The following ACSM3 variants were observed in gnomAD, a reference collection of about 807,000 sequenced individuals.
The protein encoded by ACSM3 is acyl-coenzyme A synthetase ACSM3, mitochondrial.
ACSM3 carries 61 observed loss-of-function variants against 74.1 expected under a neutral mutation model. That is an observed-to-expected ratio of 0.82 (90% CI 0.67 to 1.02). ACSM3 has a LOEUF of 1.02. ACSM3 is among the 50% of genes least tolerant of loss of function. ACSM3 has a pLI of 0.00. For synonymous variants in ACSM3, 213 were observed against 241.5 expected (o/e 0.88, Z 1.09); for missense variants, 660 against 697.0 (o/e 0.95, Z 0.60).
chr16:20,682,522 A>T (rs1400055166), intron 1 of ACSM3: 1 of 1,437,422 alleles, frequency 7.0e-7, no homozygotes, highest in African/African-American at 1.4e-5. Flanking sequence ...TGGGCTTTAG[A>T]CTTGGCTTGT....
At chr16:20,714,208 C>CAAA (rs67524952) in intron 1 of ACSM3, among the ~76,000 whole-genome samples, 2 of 134,792 alleles carry the variant, frequency 1.5e-5, no homozygotes, top group African/African-American at 5.6e-5. Context: ...GATATGGAGG[C>CAAA]AAAAAAAAAA....
At chr16:20,721,754 G>C (rs1469183730) in intron 1 of ACSM3, 1 of 152,194 alleles carries the variant, frequency 6.6e-6, no homozygotes, top group Non-Finnish European at 1.5e-5. Context: ...CAGTATCACT[G>C]ATACGATTGT....
At chr16:20,702,218 T>C (rs1220163943) in intron 1 of ACSM3, among the ~76,000 whole-genome samples, 1 of 152,158 alleles carries the variant, frequency 6.6e-6, no homozygotes, top group Admixed American at 6.5e-5. Context: ...TTTCCTGACT[T>C]TTCTTTTTTT....
At chr16:20,777,239 A>G in intron 3 of ACSM3, 134 bp from the exon 4 acceptor site, 1 of 834,158 alleles carries the variant, frequency 1.2e-6, no homozygotes, top group Non-Finnish European at 1.8e-6. Flanking sequence ...TGAAAGCAAG[A>G]TAAATAGATA....
At chr16:20,741,843 C>T in intron 1 of ACSM3, 1 of 1,537,268 alleles carries the variant, frequency 6.5e-7, no homozygotes, top group Non-Finnish European at 8.7e-7. Context: ...GCGACGGCCT[C>T]CCCTAGCCGG....
intron 1 of ACSM3, chr16:20,676,231 G>A (rs760074152): frequency 6.6e-6 from 1 of 152,202 alleles, no homozygotes; most frequent in African/African-American, 2.4e-5. Flanking sequence ...TGCCTCTTAA[G>A]AGGACAAGAG....
intron 1 of ACSM3, among the ~76,000 whole-genome samples, chr16:20,724,301 G>A (rs1216884790): frequency 1.3e-5 from 2 of 152,316 alleles, no homozygotes; most frequent in Admixed American, 1.3e-4. Context: ...CTCAATAGAT[G>A]CAGAAAAGGC....
chr16:20,796,120 T>A, intron 12 of ACSM3: 1 of 455,998 alleles, frequency 2.2e-6, no homozygotes. Flanking sequence ...GACTACTGTT[T>A]ATAAGTAATC....
chr16:20,739,182 T>G (rs1030967109), intron 1 of ACSM3: 39 of 1,122,150 alleles, frequency 3.5e-5, no homozygotes, highest in Non-Finnish European at 4.6e-5. Flanking sequence ...ATTGATTTTT[T>G]TTTTTTTTCT....
chr16:20,742,503 C>T (rs1027331785), intron 1 of ACSM3, among the ~76,000 whole-genome samples: 2 of 152,056 alleles, frequency 1.3e-5, no homozygotes, highest in African/African-American at 2.4e-5. Context: ...ATTAGCCAGG[C>T]GTGGTGGCGC....
In ACSM3 at chr16:20,775,806, C is replaced by A; in HGVS notation, c.220-33C>A. 1.9e-6 allele frequency: 3 copies of A among 1,609,672 alleles called. No homozygotes were observed. The South Asian group carries it at 3.3e-5, about 18-fold the overall frequency. ...GCCCAGAATTTAGCTGTATAACAAC[C>A]TTTAAATCAATGACTGGTTTTTCTT... On this transcript the variant is annotated intron_variant, in intron 2 of 13. Transcript: ENST00000289416.
chr16:20,676,221 T>C (rs163256), intron 1 of ACSM3: 127,716 of 152,240 alleles, frequency 0.84, 54,320 homozygotes, highest in African/African-American at 0.96. Flanking sequence ...GTTATGCTTA[T>C]GCCTCTTAAG....
chr16:20,786,202 G>A, intron 9 of ACSM3, 44 bp downstream of exon 9: 1 of 1,597,510 alleles, frequency 6.3e-7, no homozygotes, highest in South Asian at 1.1e-5. Flanking sequence ...AACCCAATCT[G>A]TACACTACCT....
rs369371354 is a variant in ACSM3 at position 20,768,640 on chromosome 16, AT to A, written c.-51-1335del. ...TGATCCAAGACCTAGGCATCAGAGTATTTTTTTTTAATGCTTTCTTGGTGAT... is the reference window on the plus strand; with the variant it reads ...TGATCCAAGACCTAGGCATCAGAGTATTTTTTTTAATGCTTTCTTGGTGAT... On this transcript the variant is annotated intron_variant, in intron 1 of 13. Coordinates refer to ENST00000289416, the MANE Select transcript of ACSM3 (RefSeq NM_005622.4). Among the ~76,000 whole-genome samples the A allele has an allele frequency of 6.8e-3, 1,027 of 151,490 alleles. 18 individuals carry two copies. Among genetic ancestry groups the A allele is most frequent in the African/African-American group, 0.023 (956 of 41,358 alleles).
At chr16:20,677,613 G>A (rs148448504) in intron 1 of ACSM3, among the ~76,000 whole-genome samples, 4 of 152,270 alleles carry the variant, frequency 2.6e-5, no homozygotes, top group East Asian at 1.9e-4. Context: ...TAGGCCCCTT[G>A]GGGAGCCAGA....
chr16:20,793,932 A>G (rs1267318705), intron 12 of ACSM3, among the ~76,000 whole-genome samples: 1 of 152,138 alleles, frequency 6.6e-6, no homozygotes, highest in Non-Finnish European at 1.5e-5. Context: ...CCTAGCGTAC[A>G]ATATAGGAAA....
chr16:20,711,647 G>A (rs1199292713), intron 1 of ACSM3: 7 of 795,104 alleles, frequency 8.8e-6, no homozygotes, highest in Admixed American at 4.2e-5. Flanking sequence ...CCACAAAGCC[G>A]GAACAGGTGG....
intron 1 of ACSM3, among the ~76,000 whole-genome samples, chr16:20,711,930 A>C (rs566729082): frequency 4.5e-4 from 68 of 152,108 alleles, no homozygotes; most frequent in African/African-American, 1.5e-3. Context: ...ATCTGAACCA[A>C]CCACGTATCC....
At chr16:20,774,746 G>A (rs921834797) in intron 2 of ACSM3, among the ~76,000 whole-genome samples, 5 of 152,200 alleles carry the variant, frequency 3.3e-5, no homozygotes, top group Non-Finnish European at 7.3e-5. Flanking sequence ...TCCCAGGCAG[G>A]CTGATCCTCA....
Sources: allele counts gnomAD v4.1 joint callset (sites outside exome capture counted in the v4.1 genomes callset), GRCh38; gene constraint gnomAD v4.1.1; transcripts MANE v1.5; gene names NCBI Gene and HGNC (gene_info 2026-07-23, HGNC 2026-07-21).